The following SCAF11 variants were observed in gnomAD, a reference collection of about 807,000 sequenced individuals.
The protein encoded by SCAF11 is SR-related CTD associated factor 11.
Under a neutral mutation model 140.5 loss-of-function variants are expected in SCAF11, and 47 were observed. That is an observed-to-expected ratio of 0.33 (90% confidence interval 0.26 to 0.43). The LOEUF is 0.43. Among genes scored for constraint, SCAF11 ranks in the 20% least tolerant of loss-of-function variants. The probability of loss-of-function intolerance (pLI) is 1.00; values close to 1 mark genes in which losing one functional copy is unlikely to be tolerated. For synonymous variants in SCAF11, 557 were observed against 579.4 expected (o/e 0.96, Z 0.55); for missense variants, 1,645 against 1,705.1 (o/e 0.96, Z 0.62).
chr12:45,945,943 A>G (rs1225564508), intron 5 of SCAF11, among the ~76,000 whole-genome samples: 1 of 151,868 alleles, frequency 6.6e-6, no homozygotes, highest in Admixed American at 6.6e-5. Flanking sequence ...TCTCCCCCTC[A>G]GCCTCCCAAA....
At chr12:45,929,479 A>G (rs1054421273) in intron 10 of SCAF11, 2 of 152,186 alleles carry the variant, frequency 1.3e-5, no homozygotes, top group Admixed American at 1.3e-4. Flanking sequence ...TTATCTAAGC[A>G]AAAGGAGAGA....
At chr12:45,925,632 A>C (rs1944839429) in intron 11 of SCAF11, among the ~76,000 whole-genome samples, 1 of 151,776 alleles carries the variant, frequency 6.6e-6, no homozygotes, top group African/African-American at 2.4e-5. Context: ...GTAGCTCAAG[A>C]AACTGACTAG....
intron 1 of SCAF11, among the ~76,000 whole-genome samples, chr12:45,989,281 C>G (rs981549284): frequency 6.6e-6 from 1 of 152,100 alleles, no homozygotes. Flanking sequence ...ATGCTTTTCC[C>G]AAAATTCGGG....
intron 3 of SCAF11, chr12:45,956,119 T>A: frequency 2.8e-6 from 2 of 716,440 alleles, no homozygotes; most frequent in South Asian, 3.0e-5. Flanking sequence ...GAATTCAGGA[T>A]CCTCGATTTC....
Position 45,926,882 on chromosome 12 carries a change from C to G in SCAF11, c.2819G>C (p.Arg940Thr). ...RKWSRSRSHSRSPSRCRTKSK... is the reference protein window; with the variant it reads ...RKWSRSRSHSTSPSRCRTKSK... The stretch of plus-strand genomic sequence containing the variant: ...TTTTGTTCTACATCTTGAGGGGGAC[C>G]TAGAATGAGATCTGGACCTAGACCA... The change falls in exon 11 of 15, where the codon AGG becomes ACG. Residue 940 changes from arginine to threonine, a missense_variant. Physicochemically the swap from Arg to Thr is moderately conservative, Grantham distance 71 (BLOSUM62 -1). Coordinates refer to ENST00000369367, the MANE Select transcript of SCAF11 (RefSeq NM_004719.3). 1 of 1,613,828 alleles carries G rather than the reference C, an allele frequency of 6.2e-7. No individual in the cohort carries two copies. The highest frequency in any genetic ancestry group is 2.2e-5 in the East Asian group (1 of 44,874).
At chr12:45,959,654 C>T (rs1180811084) in intron 3 of SCAF11, among the ~76,000 whole-genome samples, 1 of 152,228 alleles carries the variant, frequency 6.6e-6, no homozygotes, top group Non-Finnish European at 1.5e-5. Context: ...AAAGCACTTA[C>T]ATGCTTTGAA....
At chr12:45,930,687 T>C (rs1945022682) in intron 10 of SCAF11, among the ~76,000 whole-genome samples, 1 of 152,190 alleles carries the variant, frequency 6.6e-6, no homozygotes, top group Non-Finnish European at 1.5e-5. Flanking sequence ...ACATTTCTTA[T>C]GACTGCAAAT....
Position 45,945,287 on chromosome 12 carries a change from A to C in SCAF11, c.425T>G (p.Leu142Arg). 2 of 1,581,166 alleles carry C rather than the reference A, an allele frequency of 1.3e-6. No individual in the cohort carries two copies. The highest frequency in any genetic ancestry group is 2.7e-5 in the African/African-American group (2 of 73,100). ...IRRKAIVREDLLSAKVCDLKW... is the reference protein window; with the variant it reads ...IRRKAIVREDRLSAKVCDLKW... ...CAAGTCACAAACTTTTGCACTTAATAGATCTTCTCTTACGATGGCTTTTCT... is the reference window on the plus strand; with the variant it reads ...CAAGTCACAAACTTTTGCACTTAATCGATCTTCTCTTACGATGGCTTTTCT... Residue 142 changes from leucine to arginine, a missense_variant, in exon 6 of 15, where the codon CTA becomes CGA. Transcript: ENST00000369367.
chr12:45,938,267 A>G (rs1317833019), intron 6 of SCAF11, among the ~76,000 whole-genome samples: 1 of 152,174 alleles, frequency 6.6e-6, no homozygotes, highest in East Asian at 1.9e-4. Context: ...AGGTTGGCGG[A>G]TCACCTGAGG....
chr12:45,950,988 A>G (rs1945535841), intron 4 of SCAF11, among the ~76,000 whole-genome samples: 1 of 152,110 alleles, frequency 6.6e-6, no homozygotes, highest in Non-Finnish European at 1.5e-5. Context: ...TTTCTCATAT[A>G]CTTAACTACT....
Position 45,927,365 on chromosome 12 carries a change from T to A in SCAF11, c.2336A>T (p.Asp779Val), listed in dbSNP as rs777947479. ...TVSQPSESPKDTIDKTKKPRT... is the reference protein window; with the variant it reads ...TVSQPSESPKVTIDKTKKPRT... ...AGGCTTTTTGGTTTTATCTATGGTA[T>A]CTTTTGGGCTTTCAGATGGTTGAGA... is the stretch of plus-strand genomic sequence containing the variant. Residue 779 changes from aspartate (D) to valine (V), a missense_variant, in exon 11 of 15, where the codon GAT (aspartate) becomes GTT (valine). Physicochemically the swap from Asp to Val is radical, Grantham distance 152. Around this residue, in one of 2 missense-constraint regions of SCAF11, gnomAD observed 1,582 missense variants for 1,609.2 expected, o/e 0.98. Transcript: ENST00000369367. The A allele has an allele frequency of 1.2e-6, 2 of 1,614,154 alleles. No individual in the cohort carries two copies. The highest frequency in any genetic ancestry group is 1.7e-6 in the Non-Finnish European group (2 of 1,180,016).
chr12:45,923,413 A>C (rs1265738238), intron 12 of SCAF11, among the ~76,000 whole-genome samples: 1 of 152,202 alleles, frequency 6.6e-6, no homozygotes, highest in Non-Finnish European at 1.5e-5. Context: ...GCAATACTAA[A>C]CACAAGGAGG....
chr12:45,984,129 G>C (rs1364029908), intron 1 of SCAF11, among the ~76,000 whole-genome samples: 1 of 152,056 alleles, frequency 6.6e-6, no homozygotes, highest in African/African-American at 2.4e-5. Flanking sequence ...AGGGAACCCA[G>C]ATTAAGATTC....
In SCAF11 at chr12:45,926,575, C is replaced by A; in HGVS notation, c.3126G>T (p.Leu1042Phe). The A allele has an allele frequency of 6.2e-7, 1 of 1,613,254 alleles. No individual in the cohort carries two copies. Among genetic ancestry groups the A allele is most frequent in the Non-Finnish European group, 8.5e-7 (1 of 1,179,836 alleles). ...PDPRTRNPEK[L>F]KESHWEENRN... ...TATTTTCTTCCCAATGAGACTCTTT[C>A]AACTTTTCTGGATTTCTGGTTCTTG... The change falls in exon 11 of 15, where the codon TTG becomes TTT. Residue 1042 changes from leucine to phenylalanine, a missense_variant. Physicochemically the swap from Leu to Phe is conservative, Grantham distance 22. Transcript: ENST00000369367.
rs763336674 is a variant in SCAF11 at position 45,948,529 on chromosome 12, T to C, written c.306A>G (p.Val102=). Residue 102 remains valine (V), a synonymous_variant, in exon 5 of 15, where the codon GTA becomes GTG. Transcript: ENST00000369367. ...CTTTTGTTTCTCTCAGCTGTTTTTT[T>C]ACTTGAACCTATGAGAAAAGCAAAA... ...SALEGYVKVQ[V]KKQLRETKDK... is the part of the protein sequence containing the mutation. 4 of 1,605,100 alleles carry C rather than the reference T, an allele frequency of 2.5e-6. No individual in the cohort carries two copies. The East Asian group carries it at 6.7e-5, about 27-fold the overall frequency.
At position 45,926,332 on chromosome 12, in the gene SCAF11, A is replaced by G. The variant is rs778398380; in HGVS notation, c.3369T>C (p.Tyr1123=). Residue 1123 remains tyrosine, a synonymous_variant, in exon 11 of 15, where the codon TAT becomes TAC. Transcript: ENST00000369367. ...AGAACTCCTGTTCACTTTTTCGCTT[A>G]TAGGATTGCTGTTCCACAAACTTGA... is the stretch of plus-strand genomic sequence containing the variant. ...ESFKFVEQQS[Y]KRKSEQEFSF... is the part of the protein sequence containing the mutation. The G allele has an allele frequency of 6.2e-7, 1 of 1,614,148 alleles. No homozygotes were observed.
At chr12:45,946,463 G>A (rs1205540770) in intron 5 of SCAF11, among the ~76,000 whole-genome samples, 1 of 152,152 alleles carries the variant, frequency 6.6e-6, no homozygotes, top group Non-Finnish European at 1.5e-5. Flanking sequence ...GTGGGCAAAG[G>A]CAAATTATTA....
intron 3 of SCAF11, 134 bp downstream of exon 3, chr12:45,961,566 A>G (rs1945830955): frequency 2.7e-6 from 2 of 732,578 alleles, no homozygotes; most frequent in Non-Finnish European, 4.3e-6. Context: ...CAGAATTTGA[A>G]TAATACAAGG....
At chr12:45,931,452 G>T in intron 10 of SCAF11, 54 bp downstream of exon 10, 1 of 931,708 alleles carries the variant, frequency 1.1e-6, no homozygotes, top group Non-Finnish European at 1.5e-6. Context: ...TATGAAACTG[G>T]AAGAAACTAA....
Sources: allele counts gnomAD v4.1 joint callset (sites outside exome capture counted in the v4.1 genomes callset), GRCh38; gene constraint gnomAD v4.1.1; regional missense constraint gnomAD v4.1.1; transcripts MANE v1.5; gene names NCBI Gene and HGNC (gene_info 2026-07-23, HGNC 2026-07-21).